Variants in ACOXL observed in about 807,000 individuals in gnomAD.
The protein encoded by ACOXL is acyl-coenzyme A oxidase-like protein.
A neutral mutation model predicts 71.9 loss-of-function variants in ACOXL; 70 were observed. The ratio of observed to expected loss-of-function variants is 0.97; its 90% CI spans 0.80 to 1.19. The LOEUF (loss-of-function observed/expected upper bound fraction) is 1.19, where lower values mean the gene tolerates loss of function less well. Among genes scored for constraint, ACOXL ranks in the 50% most tolerant of loss-of-function variants. The probability of loss-of-function intolerance (pLI) is 0.00; values close to 1 mark genes in which losing one functional copy is unlikely to be tolerated. For missense variants in ACOXL, 703 were observed against 736.3 expected (o/e 0.95, Z 0.52); for synonymous variants, 253 against 281.6 (o/e 0.90, Z 1.02).
chr2:110,799,277 A>G (rs1027943353), intron 7 of ACOXL, among the ~76,000 whole-genome samples, 177 bp downstream of exon 7: 1 of 152,260 alleles, frequency 6.6e-6, no homozygotes, highest in Non-Finnish European at 1.5e-5. Context: ...CTGTTCAGGA[A>G]TGTCGTAGAT....
At chr2:111,035,155 C>A (rs1328077037) in intron 15 of ACOXL, among the ~76,000 whole-genome samples, 3 of 152,076 alleles carry the variant, frequency 2.0e-5, no homozygotes, top group Non-Finnish European at 4.4e-5. Context: ...CGTGAGCCAC[C>A]GTCCCCGGCC....
chr2:110,912,710 G>A (rs2059689432), intron 11 of ACOXL, among the ~76,000 whole-genome samples: 2 of 152,016 alleles, frequency 1.3e-5, no homozygotes, highest in African/African-American at 4.8e-5. Flanking sequence ...TTCTTAGATA[G>A]AATACCAAAA....
chr2:110,783,637 ACACGTGTGCATACAGATGCACACG>A (rs1683597632), intron 2 of ACOXL, among the ~76,000 whole-genome samples: 4 of 152,202 alleles, frequency 2.6e-5, no homozygotes. Context: ...ACTTGCACAC[ACACGTGTGCATACAGATGCACACG>A]CACATATAGA....
At chr2:110,955,025 GTATTT>G (rs3059307) in intron 12 of ACOXL, among the ~76,000 whole-genome samples, 8,862 of 152,040 alleles carry the variant, frequency 0.058, 546 homozygotes, top group East Asian at 0.19. Flanking sequence ...TTCTTTTTAA[GTATTT>G]TATTTGTTGT....
chr2:110,857,932 C>A (rs2148964548), intron 10 of ACOXL, among the ~76,000 whole-genome samples: 1 of 152,238 alleles, frequency 6.6e-6, no homozygotes, highest in South Asian at 2.1e-4. Context: ...TGCCATGTTG[C>A]CCAGGCTGGT....
At chr2:110,886,226 A>G (rs1025245776) in intron 10 of ACOXL, among the ~76,000 whole-genome samples, 2 of 152,156 alleles carry the variant, frequency 1.3e-5, no homozygotes, top group Admixed American at 6.5e-5. Flanking sequence ...TTTCATGTCA[A>G]TTTTTAAACC....
intron 11 of ACOXL, among the ~76,000 whole-genome samples, chr2:110,915,350 A>ATATATATATATATATATATATGTGTG (rs1491355100): frequency 1.8e-5 from 2 of 113,632 alleles, no homozygotes; most frequent in Non-Finnish European, 3.7e-5. Context: ...ATATATATAT[A>ATATATATATATATATATATATGTGTG]TGTGTGTGTG....
intron 10 of ACOXL, among the ~76,000 whole-genome samples, chr2:110,868,363 G>C (rs983640129): frequency 6.6e-6 from 1 of 152,162 alleles, no homozygotes; most frequent in Non-Finnish European, 1.5e-5. Context: ...TGGGTGCTCT[G>C]GTTTCTGGCT....
At chr2:110,878,872 A>T (rs1696258907) in intron 10 of ACOXL, among the ~76,000 whole-genome samples, 1 of 152,014 alleles carries the variant, frequency 6.6e-6, no homozygotes, top group Non-Finnish European at 1.5e-5. Flanking sequence ...AGCCTGGCAA[A>T]GATGGTTAAA....
intron 10 of ACOXL, 99 bp from the exon 11 acceptor site, chr2:110,908,688 CTT>C: frequency 1.1e-6 from 1 of 896,172 alleles, no homozygotes; most frequent in Non-Finnish European, 1.8e-6. Flanking sequence ...ATTCTGGAGT[CTT>C]TGGAAGGCAA....
At position 111,096,932 on chromosome 2, in the gene ACOXL, C is replaced by T. The variant is rs180969916; in HGVS notation, c.1542+3966C>T. ...TCCCCCTGTGGATATAGCTCTTTGA[C>T]ATCCCAGCTTGTCACGGTGAGGATC... is the stretch of plus-strand genomic sequence containing the variant. On this transcript the variant is annotated intron_variant, in intron 17 of 17. Coordinates refer to ENST00000439055, the MANE Select transcript of ACOXL (RefSeq NM_001142807.4). Among the ~76,000 whole-genome samples, 81 of 152,266 alleles carry T rather than the reference C, an allele frequency of 5.3e-4. No homozygotes were observed. The Middle Eastern group carries it at 0.014, about 26-fold the overall frequency.
At chr2:111,045,583 TCTTTC>T (rs2065976996) in intron 15 of ACOXL, among the ~76,000 whole-genome samples, 1 of 152,214 alleles carries the variant, frequency 6.6e-6, no homozygotes, top group African/African-American at 2.4e-5. Flanking sequence ...CAATTAAACC[TCTTTC>T]CTTTATAAAT....
chr2:110,948,703 T>TAAAAAAAAAAA (rs5833377), intron 12 of ACOXL, among the ~76,000 whole-genome samples: 2 of 70,808 alleles, frequency 2.8e-5, no homozygotes, highest in African/African-American at 7.0e-5. Context: ...CCAGAAGAAC[T>TAAAAAAAAAAA]AAAAAAAAAA....
chr2:111,054,680 G>C (rs1203976981), intron 16 of ACOXL, among the ~76,000 whole-genome samples: 1 of 152,178 alleles, frequency 6.6e-6, no homozygotes, highest in African/African-American at 2.4e-5. Context: ...TGCCACCATG[G>C]TCTGGCCAGA....
intron 10 of ACOXL, among the ~76,000 whole-genome samples, chr2:110,896,709 A>C (rs2059023149): frequency 1.3e-5 from 2 of 152,208 alleles, no homozygotes; most frequent in Non-Finnish European, 2.9e-5. Flanking sequence ...TGTAAAACAC[A>C]GCACAGCCTG....
At chr2:111,041,334 T>G (rs956252358) in intron 15 of ACOXL, among the ~76,000 whole-genome samples, 11 of 152,216 alleles carry the variant, frequency 7.2e-5, no homozygotes, top group Non-Finnish European at 1.5e-5. Context: ...CAATTGCAGC[T>G]GTCCTATCCA....
At chr2:110,907,166 G>A (rs745842036) in intron 10 of ACOXL, among the ~76,000 whole-genome samples, 1 of 152,184 alleles carries the variant, frequency 6.6e-6, no homozygotes, top group Non-Finnish European at 1.5e-5. Flanking sequence ...TTCCTGGCCG[G>A]CAGATGGCTG....
intron 12 of ACOXL, among the ~76,000 whole-genome samples, chr2:110,937,156 G>T (rs889760116): frequency 2.0e-5 from 3 of 152,142 alleles, no homozygotes; most frequent in Non-Finnish European, 4.4e-5. Context: ...CTTCCTGGAG[G>T]ATGGCAGGGG....
At chr2:110,816,083 G>A (rs1283741091) in intron 9 of ACOXL, among the ~76,000 whole-genome samples, 1 of 152,094 alleles carries the variant, frequency 6.6e-6, no homozygotes, top group Non-Finnish European at 1.5e-5. Context: ...ATGGATGAAT[G>A]GATAGATGGG....
Sources: gnomAD v4.1 joint callset for allele counts (sites outside exome capture counted in the v4.1 genomes callset) on GRCh38, gnomAD v4.1.1 for gene constraint, MANE v1.5 for transcripts, NCBI Gene and HGNC (gene_info 2026-07-23, HGNC 2026-07-21) for gene names.